MYZAP: variants seen among roughly 807,000 people sequenced by gnomAD.
The protein encoded by MYZAP is GRINL1A complex locus upstream.
MYZAP carries 66 observed loss-of-function variants against 69.4 expected under a neutral mutation model. The ratio of observed to expected loss-of-function variants is 0.95; its 90% CI spans 0.78 to 1.17. The LOEUF (loss-of-function observed/expected upper bound fraction) is 1.17, where lower values mean the gene tolerates loss of function less well. Ranked by LOEUF, MYZAP falls within the 50% of genes most tolerant of loss-of-function variation. MYZAP has a pLI of 0.00. For missense variants in MYZAP, 611 were observed against 556.2 expected (o/e 1.10, Z -0.99); for synonymous variants, 256 against 205.9 (o/e 1.24, Z -2.09).
At chr15:57,600,345 C>T (rs2034331014) in intron 1 of MYZAP, among the ~76,000 whole-genome samples, 1 of 152,214 alleles carries the variant, frequency 6.6e-6, no homozygotes, top group Non-Finnish European at 1.5e-5. Context: ...CTGCAGTAGC[C>T]TCAAGCGCCT....
chr15:57,676,485 G>A (rs1161173503), intron 12 of MYZAP, among the ~76,000 whole-genome samples: 3 of 144,048 alleles, frequency 2.1e-5, no homozygotes, highest in East Asian at 2.0e-4. Flanking sequence ...TATAGACTCC[G>A]GATCTCATCA....
intron 2 of MYZAP, among the ~76,000 whole-genome samples, chr15:57,610,145 G>T (rs2035012135): frequency 6.6e-6 from 1 of 152,154 alleles, no homozygotes; most frequent in African/African-American, 2.4e-5. Context: ...CAGCTTTGGA[G>T]GTGTCCTTCA....
chr15:57,635,168 C>T (rs1167780327), intron 8 of MYZAP, among the ~76,000 whole-genome samples: 14 of 152,182 alleles, frequency 9.2e-5, no homozygotes, highest in African/African-American at 3.4e-4. Context: ...GTTGTTTGCA[C>T]TTACTTGGTT....
rs71950892 is a variant in MYZAP at position 57,680,485 on chromosome 15, T to TCACACACA, written c.1305-3892_1305-3885dup. Among the ~76,000 whole-genome samples the TCACACACA allele has an allele frequency of 3.7e-3, 530 of 143,078 alleles. 6 individuals carry two copies. Among genetic ancestry groups the TCACACACA allele is most frequent in the African/African-American group, 0.015 (518 of 34,620 alleles). 93.9% of individuals were successfully genotyped at this position (143,078 alleles called of 152,430 possible). ...GGGGACTCACTGTGGGTTCAGGAGT[T>TCACACACA]CACACACACACACACACACACACAC... On this transcript the variant is annotated intron_variant, in intron 12 of 12. Transcript: ENST00000267853.
intron 11 of MYZAP, among the ~76,000 whole-genome samples, chr15:57,662,754 A>T (rs368160445): frequency 6.6e-6 from 1 of 152,198 alleles, no homozygotes; most frequent in East Asian, 1.9e-4. Context: ...CCAAGGTTAC[A>T]GTAGAGATGG....
At chr15:57,598,641 T>G (rs2034217956) in intron 1 of MYZAP, among the ~76,000 whole-genome samples, 1 of 152,220 alleles carries the variant, frequency 6.6e-6, no homozygotes, top group Admixed American at 6.5e-5. Context: ...GTTAGTCTCT[T>G]CCTCCAAAGA....
chr15:57,684,452 C>T lies in MYZAP; in HGVS notation c.1355C>T (p.Pro452Leu). The T allele has an allele frequency of 6.2e-7, 1 of 1,613,592 alleles. No homozygotes were observed. The highest frequency in any genetic ancestry group is 8.5e-7 in the Non-Finnish European group (1 of 1,179,836). Residue 452 changes from proline to leucine, a missense_variant, in exon 13 of 13, where the codon CCA becomes CTA. Pro to Leu is a moderately conservative substitution (Grantham distance 98). Coordinates refer to ENST00000267853, the MANE Select transcript of MYZAP (RefSeq NM_001018100.5). Reference protein sequence around the residue: ...EIVMPSRNYTPYTRVLELTMK... With the variant: ...EIVMPSRNYTLYTRVLELTMK... Reference sequence around the variant, plus strand: ...GTGATGCCTTCTAGGAACTACACCCCATACACAAGAGTCCTGGAGTTAACC... The same window carrying T: ...GTGATGCCTTCTAGGAACTACACCCTATACACAAGAGTCCTGGAGTTAACC...
At chr15:57,619,604 A>G (rs2035687486) in intron 3 of MYZAP, among the ~76,000 whole-genome samples, 1 of 152,208 alleles carries the variant, frequency 6.6e-6, no homozygotes. Flanking sequence ...CTCCCACCTC[A>G]GTTTCCCAAA....
chr15:57,630,361 G>A (rs2036430899), intron 6 of MYZAP, among the ~76,000 whole-genome samples: 2 of 152,168 alleles, frequency 1.3e-5, no homozygotes, highest in Non-Finnish European at 2.9e-5. Flanking sequence ...CCATGGTGCT[G>A]TTGTTATGTA....
intron 11 of MYZAP, among the ~76,000 whole-genome samples, chr15:57,672,755 C>A (rs2038928066): frequency 6.6e-6 from 1 of 152,182 alleles, no homozygotes; most frequent in Non-Finnish European, 1.5e-5. Flanking sequence ...CTTTTCTCAA[C>A]CCAGTGTGTT....
chr15:57,626,150 G>T (rs1427667368), intron 5 of MYZAP, among the ~76,000 whole-genome samples: 1 of 152,116 alleles, frequency 6.6e-6, no homozygotes, highest in Non-Finnish European at 1.5e-5. Context: ...GATGTTGCTT[G>T]CTTCACCAGA....
intron 9 of MYZAP, among the ~76,000 whole-genome samples, chr15:57,638,771 A>C (rs1281671807): frequency 1.3e-5 from 2 of 152,204 alleles, no homozygotes; most frequent in African/African-American, 4.8e-5. Flanking sequence ...AAAATAAAGG[A>C]TATGTAGAGC....
At chr15:57,621,582 C>G in intron 3 of MYZAP, 26 bp from the exon 4 acceptor site, 1 of 1,608,862 alleles carries the variant, frequency 6.2e-7, no homozygotes, top group Non-Finnish European at 8.5e-7. Flanking sequence ...GGCTTGATCT[C>G]TAACTAGTAT....
At chr15:57,606,017 C>CT (rs1230522793) in intron 2 of MYZAP, among the ~76,000 whole-genome samples, 14 of 151,918 alleles carry the variant, frequency 9.2e-5, no homozygotes, top group African/African-American at 1.7e-4. Flanking sequence ...GGAAGGCTCC[C>CT]TTTTTTTTAT....
At chr15:57,683,542 T>C (rs1176280616) in intron 12 of MYZAP, among the ~76,000 whole-genome samples, 1 of 152,198 alleles carries the variant, frequency 6.6e-6, no homozygotes. Flanking sequence ...GTACAACCTT[T>C]ACAGGTTGTT....
intron 1 of MYZAP, among the ~76,000 whole-genome samples, chr15:57,595,970 G>A (rs1595843933): frequency 6.6e-6 from 1 of 152,122 alleles, no homozygotes; most frequent in African/African-American, 2.4e-5. Context: ...GCGTCCTCTG[G>A]GCTAAGGGCA....
intron 6 of MYZAP, 29 bp from the exon 7 acceptor site, chr15:57,632,405 C>T (rs371679597): frequency 6.2e-7 from 1 of 1,613,700 alleles, no homozygotes; most frequent in South Asian, 1.1e-5. Flanking sequence ...CCTGCAAAAG[C>T]TGTCGTTCTG....
In MYZAP at chr15:57,678,041, C is replaced by CAAAAAAAAAAA. The variant is rs56102709; in HGVS notation, c.1304+2984_1304+2994dup. Reference sequence around the variant, plus strand: ...CCACATAGCAGGACCTTATCTCTACCAAAAAAAAAAAAAAAAAAAAAGAAA... The same window carrying CAAAAAAAAAAA: ...CCACATAGCAGGACCTTATCTCTACCAAAAAAAAAAAAAAAAAAAAAAAAAAAAAAAAGAAA... On this transcript the variant is annotated intron_variant, in intron 12 of 12. Transcript: ENST00000267853. 2.8e-3 allele frequency among the ~76,000 whole-genome samples: 324 copies of CAAAAAAAAAAA among 116,148 alleles called. 2 individuals carry two copies. The highest frequency in any genetic ancestry group is 4.3e-3 in the African/African-American group (123 of 28,410). The allele number at this position is 116,148 out of a possible 152,430, so 76.2% of individuals were successfully genotyped here.
chr15:57,666,617 C>T (rs1424529459), intron 11 of MYZAP, among the ~76,000 whole-genome samples: 4 of 151,978 alleles, frequency 2.6e-5, no homozygotes, highest in South Asian at 2.1e-4. Flanking sequence ...TGAGAACATG[C>T]GGTGTTCAGG....
Sources: gnomAD v4.1 joint callset for allele counts (sites outside exome capture counted in the v4.1 genomes callset) on GRCh38, gnomAD v4.1.1 for gene constraint, MANE v1.5 for transcripts, NCBI Gene and HGNC (gene_info 2026-07-23, HGNC 2026-07-21) for gene names.